The following CTNND2 variants were observed in gnomAD, a reference collection of about 807,000 sequenced individuals.
CTNND2 encodes the protein catenin delta-2.
CTNND2 carries 22 observed loss-of-function variants against 144.4 expected under a neutral mutation model. The ratio of observed to expected loss-of-function variants is 0.15; its 90% confidence interval spans 0.11 to 0.22. The LOEUF is 0.22. Ranked by LOEUF, CTNND2 falls within the 10% of genes least tolerant of loss-of-function variation. The pLI is 1.00. For synonymous variants in CTNND2, 751 were observed against 695.6 expected (o/e 1.08, Z -1.25); for missense variants, 1,353 against 1,618.8 (o/e 0.84, Z 2.82).
intron 2 of CTNND2, among the ~76,000 whole-genome samples, chr5:11,578,858 T>A (rs146818873): frequency 6.6e-6 from 1 of 152,178 alleles, no homozygotes; most frequent in Non-Finnish European, 1.5e-5. Context: ...GTATGTAATA[T>A]ATGTATGCAT....
intron 18 of CTNND2, among the ~76,000 whole-genome samples, chr5:11,005,904 G>A (rs1740428857): frequency 6.6e-6 from 1 of 152,144 alleles, no homozygotes; most frequent in African/African-American, 2.4e-5. Context: ...CATGGCATCT[G>A]TATACCTATG....
Position 11,335,650 on chromosome 5 carries a change from G to C in CTNND2, c.1628+10722C>G, listed in dbSNP as rs39610. 3.3e-5 allele frequency among the ~76,000 whole-genome samples: 5 copies of C among 152,046 alleles called. No individual in the cohort carries two copies. In the East Asian group the frequency reaches 5.8e-4, roughly 18 times the overall value. The stretch of plus-strand genomic sequence containing the variant: ...CTGAGGCAGGAGAATAGGGTCTGGC[G>C]GCGGGGAACCTAAGGCCAATTCACA... On this transcript the variant is annotated intron_variant, in intron 9 of 21. Transcript: ENST00000304623.
chr5:11,850,181 C>G (rs565041269), intron 1 of CTNND2, among the ~76,000 whole-genome samples: 29 of 152,180 alleles, frequency 1.9e-4, no homozygotes, highest in Non-Finnish European at 5.9e-5. Context: ...TAATACAGAG[C>G]TCTCATGTAT....
At chr5:11,612,153 A>C (rs1446260463) in intron 2 of CTNND2, among the ~76,000 whole-genome samples, 1 of 152,196 alleles carries the variant, frequency 6.6e-6, no homozygotes, top group Non-Finnish European at 1.5e-5. Context: ...TAGATAGGAA[A>C]TCCCAAATAC....
chr5:11,019,164 T>C (rs1741960003), intron 17 of CTNND2, among the ~76,000 whole-genome samples: 1 of 152,274 alleles, frequency 6.6e-6, no homozygotes, highest in Non-Finnish European at 1.5e-5. Flanking sequence ...ATATTTGCTT[T>C]ATTGCAGTAG....
At chr5:11,342,672 T>C (rs1754393251) in intron 9 of CTNND2, among the ~76,000 whole-genome samples, 1 of 152,232 alleles carries the variant, frequency 6.6e-6, no homozygotes, top group Admixed American at 6.5e-5. Flanking sequence ...ATGACTTTTA[T>C]TATTTGATAG....
chr5:11,891,642 G>C (rs188865133), intron 1 of CTNND2, among the ~76,000 whole-genome samples: 1 of 152,346 alleles, frequency 6.6e-6, no homozygotes, highest in East Asian at 1.9e-4. Flanking sequence ...TGTGAGGAAA[G>C]AGCAGGAAGG....
intron 2 of CTNND2, among the ~76,000 whole-genome samples, chr5:11,569,697 G>T (rs567282899): frequency 1.3e-5 from 2 of 152,256 alleles, no homozygotes; most frequent in South Asian, 4.1e-4. Flanking sequence ...ATTTAAGGAA[G>T]TATAAAAATG....
chr5:11,006,838 C>T (rs565502173), intron 18 of CTNND2, among the ~76,000 whole-genome samples: 8 of 151,976 alleles, frequency 5.3e-5, no homozygotes, highest in South Asian at 2.1e-4. Context: ...GATAGAAGCA[C>T]GAAGAGCATA....
intron 3 of CTNND2, among the ~76,000 whole-genome samples, chr5:11,461,385 C>T (rs928297013): frequency 1.3e-5 from 2 of 152,066 alleles, no homozygotes; most frequent in African/African-American, 4.8e-5. Context: ...TAACTGCAAA[C>T]CCAGAAAATG....
At chr5:10,994,760 T>TC (rs1248373665) in intron 18 of CTNND2, among the ~76,000 whole-genome samples, 8 of 152,022 alleles carry the variant, frequency 5.3e-5, no homozygotes, top group Non-Finnish European at 1.0e-4. Flanking sequence ...GCTCTGGGTG[T>TC]CCAGGACAGT....
chr5:11,272,657 C>T (rs1018037731), intron 9 of CTNND2, among the ~76,000 whole-genome samples: 1 of 152,072 alleles, frequency 6.6e-6, no homozygotes, highest in African/African-American at 2.4e-5. Context: ...TGTGCTAATC[C>T]AATCAGGTCA....
intron 3 of CTNND2, among the ~76,000 whole-genome samples, chr5:11,440,620 T>C (rs1287060509): frequency 6.6e-6 from 1 of 152,222 alleles, no homozygotes; most frequent in Non-Finnish European, 1.5e-5. Context: ...AAAGTGTATT[T>C]TGATTTCCTA....
At chr5:11,610,349 T>C (rs769024744) in intron 2 of CTNND2, among the ~76,000 whole-genome samples, 1 of 152,190 alleles carries the variant, frequency 6.6e-6, no homozygotes, top group Non-Finnish European at 1.5e-5. Context: ...ACTCTTTAGC[T>C]GAAAAGATGT....
intron 1 of CTNND2, among the ~76,000 whole-genome samples, chr5:11,764,012 A>G (rs1789434540): frequency 6.6e-6 from 1 of 152,128 alleles, no homozygotes; most frequent in African/African-American, 2.4e-5. Context: ...TTAGGTTTCT[A>G]ACTAGCTGGC....
chr5:11,708,405 G>A (rs1317246360), intron 2 of CTNND2, among the ~76,000 whole-genome samples: 2 of 152,120 alleles, frequency 1.3e-5, no homozygotes, highest in African/African-American at 4.8e-5. Context: ...AGTAAGAAAA[G>A]ATGAAACCTT....
At chr5:11,844,881 G>T (rs1304198940) in intron 1 of CTNND2, among the ~76,000 whole-genome samples, 1 of 152,038 alleles carries the variant, frequency 6.6e-6, no homozygotes, top group Non-Finnish European at 1.5e-5. Flanking sequence ...AAGTCCTGAG[G>T]TTGGCTATAC....
At chr5:11,174,417 G>A (rs374802754) in intron 11 of CTNND2, among the ~76,000 whole-genome samples, 3 of 152,172 alleles carry the variant, frequency 2.0e-5, no homozygotes, top group East Asian at 3.8e-4. Flanking sequence ...AGAAGAAAAA[G>A]CAGTGTAAAA....
chr5:11,293,694 C>T (rs986157640), intron 9 of CTNND2, among the ~76,000 whole-genome samples: 3 of 150,900 alleles, frequency 2.0e-5, no homozygotes, highest in Admixed American at 6.6e-5. Flanking sequence ...CATTCCTTTG[C>T]TATTTCAAAC....
Sources: gnomAD v4.1 joint callset for allele counts (sites outside exome capture counted in the v4.1 genomes callset) on GRCh38, gnomAD v4.1.1 for gene constraint, MANE v1.5 for transcripts, NCBI Gene and HGNC (gene_info 2026-07-23, HGNC 2026-07-21) for gene names.